The following TMEM132C variants were observed in gnomAD, a reference collection of about 807,000 sequenced individuals.
The protein encoded by TMEM132C is protein phosphatase 1, regulatory subunit 152.
A neutral mutation model predicts 61.4 loss-of-function variants in TMEM132C; 29 were observed. The ratio of observed to expected loss-of-function variants is 0.47; its 90% CI spans 0.35 to 0.64. The LOEUF is 0.64. TMEM132C is among the 30% of genes least tolerant of loss of function. The pLI, the probability that TMEM132C is intolerant of heterozygous loss-of-function variation, is 0.00. For synonymous variants in TMEM132C, 656 were observed against 633.1 expected, an observed-to-expected ratio of 1.04 and a Z score of -0.54; for missense variants, 1,408 against 1,476.9, an observed-to-expected ratio of 0.95 and a Z score of 0.76.
chr12:128,627,302 C>G (rs1954025681), intron 4 of TMEM132C, among the ~76,000 whole-genome samples: 1 of 152,238 alleles, frequency 6.6e-6, no homozygotes, highest in Admixed American at 6.5e-5. Flanking sequence ...CCGCTGAAAT[C>G]TGGAATGTTG....
intron 1 of TMEM132C, among the ~76,000 whole-genome samples, chr12:128,271,339 TA>T (rs1359795242): frequency 7.3e-5 from 11 of 150,770 alleles, no homozygotes; most frequent in African/African-American, 2.7e-4. Context: ...ATCATTCACA[TA>T]AAAAAATTAG....
chr12:128,528,518 C>T (rs929459313), intron 2 of TMEM132C, among the ~76,000 whole-genome samples: 6 of 152,096 alleles, frequency 3.9e-5, no homozygotes, highest in Non-Finnish European at 8.8e-5. Flanking sequence ...CCTGCTCGCC[C>T]CACTCACTCT....
At chr12:128,309,757 GA>G (rs1187081253) in intron 1 of TMEM132C, among the ~76,000 whole-genome samples, 1 of 149,946 alleles carries the variant, frequency 6.7e-6, no homozygotes, top group Non-Finnish European at 1.5e-5. Context: ...TCCTGAGATG[GA>G]GTCTCGCTGC....
chr12:128,267,297 G>A lies in TMEM132C; in HGVS notation c.-106G>A, dbSNP rs1870337353. On this transcript the variant is annotated 5_prime_UTR_variant, in exon 1 of 9. Transcript: ENST00000435159. ...CAGCAGAGACGCAGCGGGCCCGGCC[G>A]ACCGGGCTGCGGGAGTGGCCCCGGG... is the stretch of plus-strand genomic sequence containing the variant. The A allele has an allele frequency of 1.4e-6, 1 of 718,554 alleles. No homozygotes were observed. The highest frequency in any genetic ancestry group is 1.7e-6 in the Non-Finnish European group (1 of 588,044). The allele number at this position is 718,554 out of a possible 1,614,324, so 44.5% of individuals were successfully genotyped here. A position where few individuals can be genotyped will look rare whatever the true frequency, so the allele number is the denominator to read the frequency against.
At chr12:128,493,615 G>T (rs954618865) in intron 2 of TMEM132C, among the ~76,000 whole-genome samples, 6 of 152,122 alleles carry the variant, frequency 3.9e-5, no homozygotes, top group Non-Finnish European at 7.3e-5. Context: ...TGAAGCAATT[G>T]CAAATTGGAG....
intron 1 of TMEM132C, among the ~76,000 whole-genome samples, chr12:128,268,559 G>A (rs978437161): frequency 1.1e-4 from 17 of 152,116 alleles, no homozygotes; most frequent in African/African-American, 3.9e-4. Flanking sequence ...ACGGAGGTGC[G>A]CACATGGGTG....
chr12:128,560,863 G>A (rs1225123964), intron 3 of TMEM132C, among the ~76,000 whole-genome samples: 3 of 152,214 alleles, frequency 2.0e-5, no homozygotes, highest in Non-Finnish European at 4.4e-5. Flanking sequence ...CGTGTTGAGA[G>A]TATGAATGCT....
chr12:128,327,206 T>C (rs1190011026), intron 1 of TMEM132C, among the ~76,000 whole-genome samples: 1 of 149,878 alleles, frequency 6.7e-6, no homozygotes, highest in Non-Finnish European at 1.5e-5. Context: ...AAATATCAGT[T>C]GTGATGAAAA....
intron 4 of TMEM132C, among the ~76,000 whole-genome samples, chr12:128,620,232 C>CAAA (rs386378194): frequency 0.13 from 7,817 of 61,654 alleles, 414 homozygotes; most frequent in African/African-American, 0.16. Context: ...GACCCTGTCT[C>CAAA]AAAAAAAAAA....
intron 4 of TMEM132C, among the ~76,000 whole-genome samples, chr12:128,645,176 C>T (rs190436628): frequency 1.3e-3 from 194 of 152,280 alleles, no homozygotes; most frequent in African/African-American, 4.4e-3. Context: ...CCCAAGCCAC[C>T]GTCTGTGGAG....
chr12:128,693,447 G>A (rs537731381), intron 5 of TMEM132C, among the ~76,000 whole-genome samples: 3 of 152,168 alleles, frequency 2.0e-5, no homozygotes, highest in South Asian at 2.1e-4. Flanking sequence ...TTTCTGTTCC[G>A]GGTGGGGCAA....
chr12:128,528,232 T>A (rs962976365), intron 2 of TMEM132C, among the ~76,000 whole-genome samples: 5 of 151,962 alleles, frequency 3.3e-5, no homozygotes, highest in Admixed American at 1.3e-4. Flanking sequence ...ACTAGGGGAG[T>A]CTCATCTGCG....
At chr12:128,328,431 G>C (rs1307046803) in intron 1 of TMEM132C, among the ~76,000 whole-genome samples, 2 of 152,184 alleles carry the variant, frequency 1.3e-5, no homozygotes, top group African/African-American at 4.8e-5. Flanking sequence ...GGATGCTGCT[G>C]TCTAGGGATG....
intron 3 of TMEM132C, among the ~76,000 whole-genome samples, chr12:128,555,511 C>A (rs776656349): frequency 6.6e-6 from 1 of 152,188 alleles, no homozygotes; most frequent in African/African-American, 2.4e-5. Context: ...ACTCCACACA[C>A]GCAAAACTTA....
At chr12:128,681,368 G>A (rs994454539) in intron 5 of TMEM132C, among the ~76,000 whole-genome samples, 2 of 151,988 alleles carry the variant, frequency 1.3e-5, no homozygotes, top group Non-Finnish European at 2.9e-5. Context: ...ATGGGTCTGG[G>A]CTGGTGAAGA....
chr12:128,364,719 T>C (rs2135975185), intron 1 of TMEM132C, among the ~76,000 whole-genome samples: 1 of 152,178 alleles, frequency 6.6e-6, no homozygotes, highest in African/African-American at 2.4e-5. Context: ...CTTCAGTGAG[T>C]TCCCTCCCCA....
chr12:128,290,917 GCTAAACCCATT>G, intron 1 of TMEM132C, among the ~76,000 whole-genome samples: 1 of 151,446 alleles, frequency 6.6e-6, no homozygotes, highest in East Asian at 1.9e-4. Context: ...GCATTTTAAT[GCTAAACCCATT>G]TCAGAATTCT....
chr12:128,687,705 C>T (rs1344691851), intron 5 of TMEM132C, among the ~76,000 whole-genome samples: 1 of 152,186 alleles, frequency 6.6e-6, no homozygotes, highest in Non-Finnish European at 1.5e-5. Flanking sequence ...GGAACTTGTA[C>T]ATCATTTAAG....
At chr12:128,314,484 T>C (rs1306045864) in intron 1 of TMEM132C, among the ~76,000 whole-genome samples, 2 of 152,232 alleles carry the variant, frequency 1.3e-5, no homozygotes, top group East Asian at 3.8e-4. Context: ...AGTGGTATCA[T>C]GAATGGACAG....
Sources: gnomAD v4.1 joint callset for allele counts (sites outside exome capture counted in the v4.1 genomes callset) on GRCh38, gnomAD v4.1.1 for gene constraint, MANE v1.5 for transcripts, NCBI Gene and HGNC (gene_info 2026-07-23, HGNC 2026-07-21) for gene names.